The following MYCBP2 variants were observed in gnomAD, a reference collection of about 807,000 sequenced individuals.
MYCBP2 encodes the protein E3 ubiquitin-protein ligase MYCBP2.
In MYCBP2, 120 loss-of-function variants were observed where a neutral mutation model predicts 525.3. The ratio of observed to expected loss-of-function variants is 0.23; its 90% CI spans 0.20 to 0.27. The LOEUF (loss-of-function observed/expected upper bound fraction) is 0.27, where lower values mean the gene tolerates loss of function less well. Among genes scored for constraint, MYCBP2 ranks in the 10% least tolerant of loss-of-function variants. The pLI, the probability that MYCBP2 is intolerant of heterozygous loss-of-function variation, is 1.00. For synonymous variants in MYCBP2, 1,894 were observed against 1,955.8 expected, an observed-to-expected ratio of 0.97 and a Z score of 0.83; for missense variants, 4,149 against 5,657.1, an observed-to-expected ratio of 0.73 and a Z score of 8.55.
At chr13:77,103,202 T>C in intron 55 of MYCBP2, 2 of 397,784 alleles carry the variant, frequency 5.0e-6, no homozygotes, top group Non-Finnish European at 8.9e-6. Flanking sequence ...AATGCATGTA[T>C]ACCCACCCTT....
intron 13 of MYCBP2, 70 bp downstream of exon 13, chr13:77,260,358 A>G: frequency 9.5e-7 from 1 of 1,055,356 alleles, no homozygotes; most frequent in Non-Finnish European, 1.3e-6. Context: ...AATTTTCTAG[A>G]TATGTCTTTG....
intron 49 of MYCBP2, 54 bp downstream of exon 49, chr13:77,144,391 T>C: frequency 8.0e-7 from 1 of 1,252,144 alleles, no homozygotes; most frequent in East Asian, 2.3e-5. Flanking sequence ...ATAAAAATAA[T>C]TTTGACTCTA....
intron 55 of MYCBP2, chr13:77,100,326 A>G (rs2046880284): frequency 6.6e-6 from 1 of 152,090 alleles, no homozygotes; most frequent in African/African-American, 2.4e-5. Context: ...AATCTGCCCC[A>G]GTCTTTGTCA....
chr13:77,081,587 C>T lies in MYCBP2; in HGVS notation c.11258G>A (p.Arg3753Gln), dbSNP rs2043313691. 1 of 1,613,770 alleles carries T rather than the reference C, an allele frequency of 6.2e-7. No homozygotes were observed. The highest frequency in any genetic ancestry group is 8.5e-7 in the Non-Finnish European group (1 of 1,179,886). Residue 3753 changes from arginine (R) to glutamine (Q), a missense_variant, in exon 65 of 83, where the codon CGA becomes CAA. Coordinates refer to ENST00000544440, the MANE Select transcript of MYCBP2 (RefSeq NM_015057.5). This position sits in a 1 kb window ranked among gnomAD's most constrained non-coding sequence, Gnocchi z 4.6. ...TGTCAAACTGCCAATCATGGCAGGT[C>T]GGCTTGAAGTTTTTATGTCAACAAT... ...TSIVDIKTSSRPAMIGSLTDG... is the reference protein window; with the variant it reads ...TSIVDIKTSSQPAMIGSLTDG...
intron 50 of MYCBP2, 25 bp downstream of exon 50, chr13:77,140,821 G>A (rs377383858): frequency 2.6e-5 from 39 of 1,528,060 alleles, no homozygotes; most frequent in African/African-American, 2.4e-4. Flanking sequence ...GAATGATTCC[G>A]GCTCTCAATT....
chr13:77,267,409 A>AAAATT (rs1230633769), intron 8 of MYCBP2, among the ~76,000 whole-genome samples: 3 of 147,248 alleles, frequency 2.0e-5, no homozygotes, highest in East Asian at 2.0e-4. Context: ...AAAATAAAAT[A>AAAATT]AAATTAAATT....
chr13:77,233,109 A>T, intron 18 of MYCBP2, 47 bp downstream of exon 18: 1 of 1,510,640 alleles, frequency 6.6e-7, no homozygotes, highest in Non-Finnish European at 9.2e-7. Flanking sequence ...AATGAGTGGA[A>T]GAAATTGGGA....
Position 77,097,899 on chromosome 13 carries a change from T to A in MYCBP2, c.9255A>T (p.Leu3085Phe), listed in dbSNP as rs1260091511. 1 of 1,612,720 alleles carries A rather than the reference T, an allele frequency of 6.2e-7. No individual in the cohort carries two copies. Among genetic ancestry groups the A allele is most frequent in the African/African-American group, 1.3e-5 (1 of 74,934 alleles). ...ATATTTCTAATGAATGTCTATTTTT[T>A]AACTTGGTTTCTTTTTCCTCTGTAG... The part of the protein sequence containing the change: ...QQPTEEKETK[L>F]KNRHSLEISS... The change falls in exon 56 of 83, where the codon TTA becomes TTT. Residue 3085 changes from leucine to phenylalanine, a missense_variant. Coordinates refer to ENST00000544440, the MANE Select transcript of MYCBP2 (RefSeq NM_015057.5).
chr13:77,252,714 G>C (rs1463462415), intron 14 of MYCBP2, among the ~76,000 whole-genome samples: 1 of 151,918 alleles, frequency 6.6e-6, no homozygotes, highest in African/African-American at 2.4e-5. Flanking sequence ...ATAGCCTTTT[G>C]GGGTTTTGCC....
chr13:77,325,679 AC>A (rs945156350), intron 1 of MYCBP2, among the ~76,000 whole-genome samples: 2 of 152,136 alleles, frequency 1.3e-5, no homozygotes, highest in African/African-American at 4.8e-5. Flanking sequence ...TCCCTACAAA[AC>A]CCTCTCTACT....
chr13:77,111,905 C>T (rs1038804890), intron 55 of MYCBP2, among the ~76,000 whole-genome samples: 1 of 152,118 alleles, frequency 6.6e-6, no homozygotes, highest in African/African-American at 2.4e-5. Context: ...GTATGGCTTA[C>T]AAGACCCTTC....
intron 49 of MYCBP2, among the ~76,000 whole-genome samples, chr13:77,141,259 C>T (rs2054572404): frequency 6.6e-6 from 1 of 152,094 alleles, no homozygotes; most frequent in African/African-American, 2.4e-5. Flanking sequence ...TCTTATCTGA[C>T]AATATCCAAT....
At chr13:77,065,602 A>G (rs2040063727) in intron 72 of MYCBP2, among the ~76,000 whole-genome samples, 2 of 152,252 alleles carry the variant, frequency 1.3e-5, no homozygotes, top group African/African-American at 4.8e-5. Flanking sequence ...TATGACATTA[A>G]TAAAGAAGAA....
In MYCBP2 at chr13:77,183,541, C is replaced by CTTTTTTTTTT. The variant is rs60927409; in HGVS notation, c.4719+1552_4719+1561dup. Among the ~76,000 whole-genome samples the CTTTTTTTTTT allele has an allele frequency of 3.0e-3, 196 of 66,082 alleles. 35 individuals carry two copies. Among genetic ancestry groups the CTTTTTTTTTT allele is most frequent in the Non-Finnish European group, 3.6e-3 (148 of 41,030 alleles). The allele number at this position is 66,082 out of a possible 152,430, so 43.4% of individuals were successfully genotyped here. A position where few individuals can be genotyped will look rare whatever the true frequency, so the allele number is the denominator to read the frequency against. On this transcript the variant is annotated intron_variant, in intron 32 of 82. Coordinates refer to ENST00000544440, the MANE Select transcript of MYCBP2 (RefSeq NM_015057.5). ...TTGTTTATAGTGATAGTCCCTATTT[C>CTTTTTTTTTT]TTTTTTTTTTTTTTTTTTTTTTTTT...
chr13:77,259,990 GAC>G (rs2072978859), intron 13 of MYCBP2, among the ~76,000 whole-genome samples: 1 of 152,206 alleles, frequency 6.6e-6, no homozygotes, highest in Non-Finnish European at 1.5e-5. Context: ...CAATGTGCCA[GAC>G]ACTGTGCTGG....
Position 77,098,385 on chromosome 13 carries a change from C to G in MYCBP2, c.8769G>C (p.Val2923=). The change falls in exon 56 of 83, where the codon GTG becomes GTC. Residue 2923 remains valine (V), a synonymous_variant. Coordinates refer to ENST00000544440, the MANE Select transcript of MYCBP2 (RefSeq NM_015057.5). ...GSENRAPSPH[V]VQENLHSEVV... ...CCTCACTGTGGAGGTTTTCCTGTACCACATGGGGAGAGGGAGCTCTATTTT... is the reference window on the plus strand; with the variant it reads ...CCTCACTGTGGAGGTTTTCCTGTACGACATGGGGAGAGGGAGCTCTATTTT... The G allele has an allele frequency of 6.2e-7, 1 of 1,613,382 alleles. No homozygotes were observed. The highest frequency in any genetic ancestry group is 8.5e-7 in the Non-Finnish European group (1 of 1,179,784).
At chr13:77,204,946 C>A (rs952287503) in intron 26 of MYCBP2, among the ~76,000 whole-genome samples, 3 of 149,528 alleles carry the variant, frequency 2.0e-5, no homozygotes, top group African/African-American at 4.9e-5. Context: ...ATACCTAATG[C>A]TAGATGACAA....
intron 26 of MYCBP2, among the ~76,000 whole-genome samples, chr13:77,197,506 T>C (rs886499663): frequency 1.3e-5 from 2 of 152,190 alleles, no homozygotes; most frequent in Non-Finnish European, 2.9e-5. Context: ...TTAACATATT[T>C]ACATGAAAAT....
At chr13:77,290,813 G>A (rs1367166535) in intron 2 of MYCBP2, among the ~76,000 whole-genome samples, 2 of 152,128 alleles carry the variant, frequency 1.3e-5, no homozygotes, top group Admixed American at 1.3e-4. Flanking sequence ...ACCTACACAT[G>A]TGATAAAATT....
Sources: allele counts gnomAD v4.1 joint callset (sites outside exome capture counted in the v4.1 genomes callset), GRCh38; gene constraint gnomAD v4.1.1; non-coding constraint Gnocchi (gnomAD v3.1); transcripts MANE v1.5; gene names NCBI Gene and HGNC (gene_info 2026-07-23, HGNC 2026-07-21).